Variants in RNF4 observed in about 807,000 individuals in gnomAD.
RNF4 encodes the protein ring finger protein 4.
A neutral mutation model predicts 24.3 loss-of-function variants in RNF4; 7 were observed. That is an observed-to-expected ratio of 0.29 (90% CI 0.16 to 0.54). The LOEUF (loss-of-function observed/expected upper bound fraction) is 0.54. RNF4 is among the 20% of genes least tolerant of loss of function. RNF4 has a pLI of 0.95. For missense variants in RNF4, 209 were observed against 248.5 expected, an observed-to-expected ratio of 0.84 and a Z score of 1.07; for synonymous variants, 83 against 84.3, an observed-to-expected ratio of 0.98 and a Z score of 0.09.
At chr4:2,510,259 A>G (rs1736233916) in intron 4 of RNF4, among the ~76,000 whole-genome samples, 1 of 152,224 alleles carries the variant, frequency 6.6e-6, no homozygotes, top group Non-Finnish European at 1.5e-5. Flanking sequence ...AGTGGATTTT[A>G]ACATGGAAGG....
chr4:2,475,246 G>C (rs1298167084), intron 1 of RNF4, among the ~76,000 whole-genome samples: 2 of 152,212 alleles, frequency 1.3e-5, no homozygotes, highest in Non-Finnish European at 2.9e-5. Context: ...ACTCACTGCA[G>C]CTTCCAACTT....
At chr4:2,511,289 G>C (rs1163649261) in intron 4 of RNF4, among the ~76,000 whole-genome samples, 2 of 114,440 alleles carry the variant, frequency 1.7e-5, no homozygotes, top group Non-Finnish European at 3.6e-5. Context: ...AGGTCCCCAG[G>C]TCTTGCAGTC....
intron 1 of RNF4, among the ~76,000 whole-genome samples, chr4:2,478,345 G>A (rs1394857947): frequency 6.6e-6 from 1 of 152,232 alleles, no homozygotes; most frequent in Non-Finnish European, 1.5e-5. Flanking sequence ...CAGCTGCAGA[G>A]ATTTGCATAA....
At chr4:2,484,253 T>G (rs1252027185) in intron 1 of RNF4, among the ~76,000 whole-genome samples, 3 of 151,912 alleles carry the variant, frequency 2.0e-5, no homozygotes, top group African/African-American at 7.3e-5. Context: ...CATCTCCCTG[T>G]GGACTGGCTG....
At chr4:2,504,612 G>A (rs548538290) in intron 4 of RNF4, among the ~76,000 whole-genome samples, 156 of 148,746 alleles carry the variant, frequency 1.0e-3, no homozygotes, top group Non-Finnish European at 1.9e-3. Context: ...GTGCAGTGGC[G>A]TGATCTTGGC....
intron 1 of RNF4, among the ~76,000 whole-genome samples, chr4:2,470,420 T>C (rs1734867060): frequency 6.6e-6 from 1 of 152,226 alleles, no homozygotes; most frequent in Non-Finnish European, 1.5e-5. Context: ...ATCTGTGAGT[T>C]TGAGGTGAAA....
chr4:2,491,375 T>TA (rs774853618), intron 2 of RNF4, among the ~76,000 whole-genome samples: 9 of 152,162 alleles, frequency 5.9e-5, no homozygotes, highest in Non-Finnish European at 1.0e-4. Flanking sequence ...TAGCTGCGAT[T>TA]ACAGGCATGC....
chr4:2,502,038 A>G (rs1033067633), intron 4 of RNF4, among the ~76,000 whole-genome samples: 6 of 152,202 alleles, frequency 3.9e-5, no homozygotes, highest in African/African-American at 1.2e-4. Context: ...GACTTTGCTT[A>G]TCATCCCTGT....
chr4:2,484,189 G>T (rs906142443), intron 1 of RNF4, among the ~76,000 whole-genome samples: 1 of 151,354 alleles, frequency 6.6e-6, no homozygotes, highest in Admixed American at 6.6e-5. Flanking sequence ...GGGGTTTGAG[G>T]GTTCTGTGTA....
intron 3 of RNF4, among the ~76,000 whole-genome samples, chr4:2,497,990 C>T (rs1324103579): frequency 3.3e-5 from 5 of 152,108 alleles, no homozygotes; most frequent in Admixed American, 3.3e-4. Flanking sequence ...TTCATGGGCC[C>T]CCCAGGAGAA....
chr4:2,499,425 T>A (rs1316484813), intron 3 of RNF4: 6 of 354,962 alleles, frequency 1.7e-5, no homozygotes, highest in Non-Finnish European at 2.8e-5. Flanking sequence ...TACAGGCATG[T>A]GCCACCACAC....
chr4:2,510,211 T>G (rs1248789606), intron 4 of RNF4, among the ~76,000 whole-genome samples: 3 of 152,314 alleles, frequency 2.0e-5, no homozygotes, highest in East Asian at 3.9e-4. Flanking sequence ...CAGGATGCCA[T>G]TTGGGAAACA....
chr4:2,499,894 C>T (rs1365999773), intron 3 of RNF4, among the ~76,000 whole-genome samples: 1 of 152,130 alleles, frequency 6.6e-6, no homozygotes, highest in Non-Finnish European at 1.5e-5. Context: ...CGGTGGCTCA[C>T]GCCTGTAATC....
rs1214723527 is a variant in RNF4 at position 2,512,178 on chromosome 4, T to C, written c.214+213T>C. On this transcript the variant is annotated intron_variant, in intron 5 of 7. Transcript: ENST00000314289. The surrounding 1 kb of genome is among the most constrained non-coding windows in gnomAD (Gnocchi z 4.1). Reference sequence around the variant, plus strand: ...ACCACTATCATTGAGCACTGAGCTATAGTCCTTTCTTGTGGCCTACCAGAT... The same window carrying C: ...ACCACTATCATTGAGCACTGAGCTACAGTCCTTTCTTGTGGCCTACCAGAT... 1 of 641,638 alleles carries C rather than the reference T, an allele frequency of 1.6e-6. No homozygotes were observed. The highest frequency in any genetic ancestry group is 2.7e-6 in the Non-Finnish European group (1 of 367,684). 39.7% of individuals were successfully genotyped at this position (641,638 alleles called of 1,614,324 possible).
At chr4:2,513,512 G>A (rs1030788855) in intron 7 of RNF4, among the ~76,000 whole-genome samples, 158 bp from the exon 8 acceptor site, 4 of 152,152 alleles carry the variant, frequency 2.6e-5, no homozygotes, top group Non-Finnish European at 5.9e-5. Context: ...AGAGACCACA[G>A]CAGACACAGT....
chr4:2,489,134 G>C (rs1159300775), intron 1 of RNF4, among the ~76,000 whole-genome samples: 3 of 152,198 alleles, frequency 2.0e-5, no homozygotes, highest in Non-Finnish European at 4.4e-5. Flanking sequence ...TTCAATCTCA[G>C]TTGCCTGGCT....
At chr4:2,474,654 C>G (rs562482681) in intron 1 of RNF4, among the ~76,000 whole-genome samples, 108 of 152,312 alleles carry the variant, frequency 7.1e-4, no homozygotes, top group African/African-American at 2.5e-3. Context: ...AAAATGCTGT[C>G]ACACAGCATT....
intron 4 of RNF4, among the ~76,000 whole-genome samples, chr4:2,508,705 G>A (rs1391633093): frequency 6.6e-6 from 1 of 152,106 alleles, no homozygotes; most frequent in Non-Finnish European, 1.5e-5. Context: ...CCACCTCCCA[G>A]GTTCAAGTGA....
At chr4:2,478,850 C>A (rs1358651854) in intron 1 of RNF4, among the ~76,000 whole-genome samples, 1 of 152,250 alleles carries the variant, frequency 6.6e-6, no homozygotes, top group East Asian at 1.9e-4. Flanking sequence ...CCTGGTAGAG[C>A]TGTGGGAAGA....
Sources: gnomAD v4.1 joint callset for allele counts (sites outside exome capture counted in the v4.1 genomes callset) on GRCh38, gnomAD v4.1.1 for gene constraint, Gnocchi (gnomAD v3.1) non-coding constraint, MANE v1.5 for transcripts, NCBI Gene and HGNC (gene_info 2026-07-23, HGNC 2026-07-21) for gene names.